The following MAGI2 variants were observed in gnomAD, a reference collection of about 807,000 sequenced individuals.
The protein encoded by MAGI2 is membrane associated guanylate kinase, WW and PDZ domain containing 2, also known as membrane-associated guanylate kinase, WW and PDZ domain-containing protein 2.
MAGI2 carries 35 observed loss-of-function variants against 133.3 expected under a neutral mutation model. That is an observed-to-expected ratio of 0.26 (90% CI 0.20 to 0.35). The LOEUF (loss-of-function observed/expected upper bound fraction) is 0.35. Ranked by LOEUF, MAGI2 falls within the 10% of genes least tolerant of loss-of-function variation. The pLI is 1.00. For synonymous variants in MAGI2, 729 were observed against 710.6 expected, an observed-to-expected ratio of 1.03 and a Z score of -0.41; for missense variants, 1,636 against 1,863.4, an observed-to-expected ratio of 0.88 and a Z score of 2.25.
chr7:78,653,212 T>C (rs1367917826), intron 2 of MAGI2, among the ~76,000 whole-genome samples: 1 of 152,178 alleles, frequency 6.6e-6, no homozygotes, highest in Non-Finnish European at 1.5e-5. Context: ...TCAACCATTA[T>C]GGAAAATAGT....
chr7:78,709,171 T>G (rs1818931889), intron 2 of MAGI2, among the ~76,000 whole-genome samples: 1 of 152,084 alleles, frequency 6.6e-6, no homozygotes, highest in African/African-American at 2.4e-5. Context: ...AAATCTGACG[T>G]CTTAACTATG....
chr7:78,510,801 C>T (rs1447097814), intron 4 of MAGI2, among the ~76,000 whole-genome samples: 1 of 152,192 alleles, frequency 6.6e-6, no homozygotes, highest in Non-Finnish European at 1.5e-5. Flanking sequence ...ACAAACTTGG[C>T]ATCACTTTGG....
chr7:78,227,385 C>T (rs1397552851), intron 10 of MAGI2, among the ~76,000 whole-genome samples: 5 of 152,138 alleles, frequency 3.3e-5, no homozygotes, highest in Admixed American at 1.3e-4. Flanking sequence ...TGATTACATC[C>T]CAGTATGAAC....
At chr7:78,821,675 A>T (rs1036843203) in intron 2 of MAGI2, among the ~76,000 whole-genome samples, 1 of 152,048 alleles carries the variant, frequency 6.6e-6, no homozygotes, top group Non-Finnish European at 1.5e-5. Context: ...TAATATAAAT[A>T]ACTCTTTTTC....
chr7:78,423,496 A>C (rs917778482), intron 6 of MAGI2, among the ~76,000 whole-genome samples: 4 of 152,222 alleles, frequency 2.6e-5, no homozygotes, highest in Admixed American at 6.5e-5. Context: ...GTATGGCTGA[A>C]AAGATACCTG....
chr7:78,294,693 C>T (rs570879840), intron 9 of MAGI2, among the ~76,000 whole-genome samples: 1 of 152,230 alleles, frequency 6.6e-6, no homozygotes, highest in South Asian at 2.1e-4. Flanking sequence ...AACCAAGCAG[C>T]CAACCAACCG....
At chr7:79,422,954 G>A (rs1045407773) in intron 1 of MAGI2, among the ~76,000 whole-genome samples, 2 of 151,838 alleles carry the variant, frequency 1.3e-5, no homozygotes, top group Non-Finnish European at 2.9e-5. Context: ...TTCTAAATTT[G>A]AGCAACCATA....
intron 2 of MAGI2, among the ~76,000 whole-genome samples, chr7:78,783,618 T>C (rs375071954): frequency 2.0e-4 from 31 of 152,300 alleles, no homozygotes; most frequent in Admixed American, 1.1e-3. Context: ...ATTTTCTCCA[T>C]TGGAAATCAA....
intron 2 of MAGI2, among the ~76,000 whole-genome samples, chr7:78,740,157 T>A (rs1479454982): frequency 1.4e-5 from 2 of 147,888 alleles, no homozygotes; most frequent in African/African-American, 5.2e-5. Context: ...CCAGACTCTG[T>A]CTAAAAAAAA....
chr7:79,054,619 C>T (rs1318151671), intron 1 of MAGI2, among the ~76,000 whole-genome samples: 2 of 152,164 alleles, frequency 1.3e-5, no homozygotes, highest in Non-Finnish European at 2.9e-5. Flanking sequence ...TGATACCTCT[C>T]GTTTGGGCCA....
chr7:78,277,090 G>A (rs1249215688), intron 9 of MAGI2, among the ~76,000 whole-genome samples: 2 of 152,128 alleles, frequency 1.3e-5, no homozygotes, highest in Non-Finnish European at 2.9e-5. Context: ...GTCAACTAGT[G>A]TAACTTACAT....
At chr7:78,163,799 T>C (rs1288404273) in intron 15 of MAGI2, among the ~76,000 whole-genome samples, 1 of 149,260 alleles carries the variant, frequency 6.7e-6, no homozygotes, top group Non-Finnish European at 1.5e-5. Context: ...CCCAGCTACT[T>C]GGGAGGCTGA....
At chr7:78,917,088 C>CAGTT (rs1260844777) in intron 2 of MAGI2, among the ~76,000 whole-genome samples, 1 of 152,048 alleles carries the variant, frequency 6.6e-6, no homozygotes, top group Non-Finnish European at 1.5e-5. Context: ...AATTAGTGAT[C>CAGTT]AGTTACACAC....
intron 2 of MAGI2, among the ~76,000 whole-genome samples, chr7:78,640,931 C>A (rs78336669): frequency 0.054 from 8,170 of 152,264 alleles, 291 homozygotes; most frequent in East Asian, 0.078. Context: ...ATAATCCCTG[C>A]ATGTCATGGG....
chr7:78,632,003 T>A (rs545600647), intron 2 of MAGI2, among the ~76,000 whole-genome samples: 1 of 152,334 alleles, frequency 6.6e-6, no homozygotes, highest in Non-Finnish European at 1.5e-5. Flanking sequence ...TATAACATAC[T>A]TAAGACAATG....
intron 1 of MAGI2, 170 bp downstream of exon 1, chr7:79,452,850 C>G (rs1413594472): frequency 5.9e-6 from 4 of 672,696 alleles, no homozygotes; most frequent in Non-Finnish European, 9.7e-6. Flanking sequence ...CTCCCTTTAG[C>G]CCCCAAGTCG....
In MAGI2 at chr7:78,169,757, C is replaced by T. The variant is rs1275749909; in HGVS notation, c.2404-1649G>A. ...TTCATGATTGCTGTCACAGGACAGG[C>T]CTGACATCTCCTGCCTTAGACTGGC... On this transcript the variant is annotated intron_variant, in intron 14 of 21. Transcript: ENST00000354212. Among the ~76,000 whole-genome samples the T allele has an allele frequency of 2.0e-5, 3 of 152,286 alleles. No individual in the cohort carries two copies. The East Asian group carries it at 5.8e-4, about 29-fold the overall frequency.
intron 1 of MAGI2, among the ~76,000 whole-genome samples, chr7:79,013,207 C>T (rs1408336185): frequency 1.2e-5 from 1 of 83,294 alleles, no homozygotes; most frequent in Non-Finnish European, 2.8e-5. Flanking sequence ...TTACTATTTA[C>T]TTATAGTTTA....
intron 1 of MAGI2, among the ~76,000 whole-genome samples, chr7:79,136,429 G>C (rs559031917): frequency 5.9e-5 from 9 of 152,312 alleles, no homozygotes; most frequent in African/African-American, 2.2e-4. Context: ...AATCTGCAGT[G>C]AACATTCAAG....
Sources: allele counts gnomAD v4.1 joint callset (sites outside exome capture counted in the v4.1 genomes callset), GRCh38; gene constraint gnomAD v4.1.1; transcripts MANE v1.5; gene names NCBI Gene and HGNC (gene_info 2026-07-23, HGNC 2026-07-21).